Variants in SHANK2 observed in about 807,000 individuals in gnomAD.
The protein encoded by SHANK2 is SH3 and multiple ankyrin repeat domains 2.
SHANK2 carries 43 observed loss-of-function variants against 133.7 expected under a neutral mutation model. That is an observed-to-expected ratio of 0.32 (90% CI 0.25 to 0.41). SHANK2 has a LOEUF of 0.41. Among genes scored for constraint, SHANK2 ranks in the 10% least tolerant of loss-of-function variants. SHANK2 has a pLI of 1.00. For missense variants in SHANK2, 1,994 were observed against 2,235.8 expected (o/e 0.89, Z 2.18); for synonymous variants, 1,017 against 952.8 (o/e 1.07, Z -1.24).
At chr11:71,200,610 C>T (rs531528812) in intron 2 of SHANK2, among the ~76,000 whole-genome samples, 2 of 152,200 alleles carry the variant, frequency 1.3e-5, no homozygotes. Flanking sequence ...TTTAACTTCA[C>T]TCTACATTTA....
chr11:70,846,481 G>A (rs567216934), intron 11 of SHANK2, among the ~76,000 whole-genome samples: 1 of 151,888 alleles, frequency 6.6e-6, no homozygotes, highest in African/African-American at 2.4e-5. Context: ...TGTTGCCCAG[G>A]CTGGCCTCAA....
At chr11:71,147,487 G>T in intron 2 of SHANK2, 149 bp from the exon 3 acceptor site, 1 of 530,326 alleles carries the variant, frequency 1.9e-6, no homozygotes, top group Middle Eastern at 4.8e-4. Context: ...AGGGCCCCAG[G>T]TATGCACAAT....
At chr11:70,805,694 A>C (rs1397292529) in intron 13 of SHANK2, among the ~76,000 whole-genome samples, 2 of 152,238 alleles carry the variant, frequency 1.3e-5, no homozygotes, top group Admixed American at 6.5e-5. Flanking sequence ...TGAACAAAAA[A>C]ATCTCAACAA....
At position 71,102,419 on chromosome 11, in the gene SHANK2, C is replaced by A. The variant is rs188406635; in HGVS notation, c.592+7522G>T. On this transcript the variant is annotated intron_variant, in intron 6 of 25. Coordinates refer to ENST00000601538, the MANE Select transcript of SHANK2 (RefSeq NM_012309.5). Reference sequence around the variant, plus strand: ...CTCAGGCTAGAGGGCTGCTTCCCTCCGCTCCGGCCCCATGTCCAGCCCCAA... The same window carrying A: ...CTCAGGCTAGAGGGCTGCTTCCCTCAGCTCCGGCCCCATGTCCAGCCCCAA... Among the ~76,000 whole-genome samples, 357 of 152,248 alleles carry A rather than the reference C, an allele frequency of 2.3e-3. 4 individuals carry two copies. Among genetic ancestry groups the A allele is most frequent in the Admixed American group, 0.016 (239 of 15,286 alleles).
intron 17 of SHANK2, among the ~76,000 whole-genome samples, chr11:70,532,699 G>C (rs973540000): frequency 2.0e-5 from 3 of 151,356 alleles, no homozygotes; most frequent in Non-Finnish European, 4.4e-5. Flanking sequence ...GAAAGAGTTT[G>C]AAGGTTCCTC....
intron 25 of SHANK2, among the ~76,000 whole-genome samples, chr11:70,476,397 C>CA (rs2058664875): frequency 6.6e-6 from 1 of 151,934 alleles, no homozygotes; most frequent in Admixed American, 6.6e-5. Flanking sequence ...AACCTGCAAC[C>CA]CCCCCTTCTC....
At chr11:70,733,703 G>T (rs371679936) in intron 14 of SHANK2, among the ~76,000 whole-genome samples, 1 of 152,210 alleles carries the variant, frequency 6.6e-6, no homozygotes, top group Non-Finnish European at 1.5e-5. Flanking sequence ...GTCATGGAGA[G>T]GGGGGTGGCA....
At chr11:70,522,925 G>A in intron 17 of SHANK2, among the ~76,000 whole-genome samples, 1 of 152,340 alleles carries the variant, frequency 6.6e-6, no homozygotes. Context: ...ACGTGCGGCC[G>A]CGGGCAGGCT....
At chr11:71,248,194 A>G (rs944065077) in intron 1 of SHANK2, among the ~76,000 whole-genome samples, 1 of 152,328 alleles carries the variant, frequency 6.6e-6, no homozygotes, top group Non-Finnish European at 1.5e-5. Flanking sequence ...CTGTACCCCA[A>G]AGCCCAGCAT....
At chr11:70,516,520 TAAGAG>T (rs2059268603) in intron 17 of SHANK2, among the ~76,000 whole-genome samples, 1 of 152,220 alleles carries the variant, frequency 6.6e-6, no homozygotes, top group Non-Finnish European at 1.5e-5. Context: ...TTCTAGAAGA[TAAGAG>T]AAGATCTAGA....
At chr11:70,768,616 C>G (rs1555041951) in intron 14 of SHANK2, among the ~76,000 whole-genome samples, 1 of 152,216 alleles carries the variant, frequency 6.6e-6, no homozygotes, top group Non-Finnish European at 1.5e-5. Flanking sequence ...GCACACACCA[C>G]AGCCTGCACC....
intron 2 of SHANK2, among the ~76,000 whole-genome samples, chr11:71,193,170 T>G (rs1348223014): frequency 2.0e-5 from 3 of 152,112 alleles, no homozygotes; most frequent in Non-Finnish European, 2.9e-5. Context: ...ATCATACTAA[T>G]AAATCAACTC....
intron 11 of SHANK2, among the ~76,000 whole-genome samples, chr11:70,889,045 T>C (rs1003993846): frequency 6.6e-6 from 1 of 152,106 alleles, no homozygotes; most frequent in Non-Finnish European, 1.5e-5. Flanking sequence ...GGTGGAATGG[T>C]GGTCCTCAAA....
At chr11:70,538,926 G>C (rs2059578790) in intron 17 of SHANK2, among the ~76,000 whole-genome samples, 1 of 152,238 alleles carries the variant, frequency 6.6e-6, no homozygotes, top group Non-Finnish European at 1.5e-5. Context: ...CTGAGATGCA[G>C]CCTAGAAGAG....
At chr11:71,145,071 T>C (rs1952618856) in intron 3 of SHANK2, among the ~76,000 whole-genome samples, 1 of 152,172 alleles carries the variant, frequency 6.6e-6, no homozygotes. Flanking sequence ...TTAAATAATA[T>C]AGGAGAAGGA....
chr11:70,835,427 A>G (rs1565350532), intron 11 of SHANK2, among the ~76,000 whole-genome samples: 1 of 151,922 alleles, frequency 6.6e-6, no homozygotes, highest in Non-Finnish European at 1.5e-5. Context: ...AGGACACAGG[A>G]CGCTCAGTCA....
At chr11:70,527,725 G>A (rs1554972408) in intron 17 of SHANK2, among the ~76,000 whole-genome samples, 1 of 152,170 alleles carries the variant, frequency 6.6e-6, no homozygotes, top group African/African-American at 2.4e-5. Context: ...CTCAGACTCC[G>A]AGGTCATGGA....
intron 10 of SHANK2, among the ~76,000 whole-genome samples, chr11:70,944,818 C>A (rs1348095008): frequency 6.6e-6 from 1 of 152,218 alleles, no homozygotes; most frequent in African/African-American, 2.4e-5. Context: ...TCCAATTCTA[C>A]CTGATTCCAG....
At chr11:71,069,379 TCAA>T (rs1370060767) in intron 9 of SHANK2, among the ~76,000 whole-genome samples, 2 of 151,244 alleles carry the variant, frequency 1.3e-5, no homozygotes, top group Non-Finnish European at 2.9e-5. Flanking sequence ...GCCTTCATCA[TCAA>T]CACCTTCATC....
Sources: gnomAD v4.1 joint callset for allele counts (sites outside exome capture counted in the v4.1 genomes callset) on GRCh38, gnomAD v4.1.1 for gene constraint, MANE v1.5 for transcripts, NCBI Gene and HGNC (gene_info 2026-07-23, HGNC 2026-07-21) for gene names.